Variants in BMERB1 observed in about 807,000 individuals in gnomAD.
The protein encoded by BMERB1 is bMERB domain containing 1.
In BMERB1, 12 loss-of-function variants were observed where a neutral mutation model predicts 23.6. The observed-to-expected ratio is 0.51, with a 90% confidence interval of 0.33 to 0.82. The LOEUF (loss-of-function observed/expected upper bound fraction) is 0.82, where lower values mean the gene tolerates loss of function less well. BMERB1 is among the 40% of genes least tolerant of loss of function. BMERB1 has a pLI of 0.03. For synonymous variants in BMERB1, 122 were observed against 96.6 expected (o/e 1.26, Z -1.54); for missense variants, 247 against 255.4 (o/e 0.97, Z 0.22).
At chr16:15,448,547 A>G (rs565407374) in intron 1 of BMERB1, among the ~76,000 whole-genome samples, 1 of 152,314 alleles carries the variant, frequency 6.6e-6, no homozygotes, top group South Asian at 2.1e-4. Flanking sequence ...TATTTGCAGC[A>G]CTTTGGGAGG....
intron 1 of BMERB1, among the ~76,000 whole-genome samples, chr16:15,463,119 C>A (rs2051150147): frequency 6.6e-6 from 1 of 151,096 alleles, no homozygotes; most frequent in African/African-American, 2.4e-5. Flanking sequence ...CTTGCTGTTG[C>A]CCAGGCAGGA....
chr16:15,467,291 A>G (rs1028490116), intron 1 of BMERB1, among the ~76,000 whole-genome samples: 1 of 152,192 alleles, frequency 6.6e-6, no homozygotes, highest in African/African-American at 2.4e-5. Flanking sequence ...TGGTTGTACC[A>G]TGTTACATTC....
At chr16:15,552,993 G>T (rs1306135407) in intron 2 of BMERB1, among the ~76,000 whole-genome samples, 2 of 152,004 alleles carry the variant, frequency 1.3e-5, no homozygotes, top group Non-Finnish European at 2.9e-5. Context: ...GAGCAACATA[G>T]TGAGACCCCC....
At chr16:15,494,624 A>G (rs573688321) in intron 1 of BMERB1, among the ~76,000 whole-genome samples, 6 of 152,084 alleles carry the variant, frequency 3.9e-5, no homozygotes, top group Non-Finnish European at 8.8e-5. Context: ...TTTGCCTTAG[A>G]CGGAGTTTGC....
At chr16:15,475,416 TCA>T (rs1284991121) in intron 1 of BMERB1, among the ~76,000 whole-genome samples, 1 of 152,196 alleles carries the variant, frequency 6.6e-6, no homozygotes, top group African/African-American at 2.4e-5. Flanking sequence ...CTAGAGGGAC[TCA>T]CAGAACTCCC....
At chr16:15,530,842 G>A (rs2051959609) in intron 2 of BMERB1, among the ~76,000 whole-genome samples, 1 of 151,062 alleles carries the variant, frequency 6.6e-6, no homozygotes, top group Non-Finnish European at 1.5e-5. Flanking sequence ...ATGATTGTAA[G>A]TTTCCTGAGG....
chr16:15,505,197 C>A (rs939536530), intron 1 of BMERB1, among the ~76,000 whole-genome samples: 1 of 152,206 alleles, frequency 6.6e-6, no homozygotes, highest in Non-Finnish European at 1.5e-5. Flanking sequence ...ACCTTTCCAA[C>A]GCAAAGGACT....
intron 2 of BMERB1, among the ~76,000 whole-genome samples, chr16:15,535,835 A>C (rs1439753386): frequency 2.6e-5 from 4 of 152,080 alleles, no homozygotes; most frequent in African/African-American, 9.7e-5. Context: ...AGGCCTCAGG[A>C]AACTTACAAT....
intron 1 of BMERB1, chr16:15,448,082 G>A: frequency 2.8e-6 from 1 of 359,116 alleles, no homozygotes; most frequent in Non-Finnish European, 5.5e-6. Context: ...TAGAGATGGG[G>A]TTTCACCCTG....
At chr16:15,555,697 C>T (rs1462692474) in intron 2 of BMERB1, among the ~76,000 whole-genome samples, 2 of 152,190 alleles carry the variant, frequency 1.3e-5, no homozygotes, top group Non-Finnish European at 2.9e-5. Context: ...CCTATGTACA[C>T]TGGCAGGCAC....
At chr16:15,459,150 A>G (rs2051114375) in intron 1 of BMERB1, among the ~76,000 whole-genome samples, 1 of 152,080 alleles carries the variant, frequency 6.6e-6, no homozygotes, top group Non-Finnish European at 1.5e-5. Flanking sequence ...AAACAAACAA[A>G]GGAATTAAAA....
intron 2 of BMERB1, among the ~76,000 whole-genome samples, chr16:15,549,546 G>A (rs1437380302): frequency 6.6e-6 from 1 of 151,884 alleles, no homozygotes; most frequent in Non-Finnish European, 1.5e-5. Context: ...GGGCGTGGTG[G>A]CGGGCGCCTG....
chr16:15,518,437 T>A (rs879534889), intron 2 of BMERB1, among the ~76,000 whole-genome samples: 1 of 152,152 alleles, frequency 6.6e-6, no homozygotes, highest in African/African-American at 2.4e-5. Flanking sequence ...GCTTGCCCAG[T>A]GGTGCACCTG....
chr16:15,548,405 T>C (rs141803903), intron 2 of BMERB1, among the ~76,000 whole-genome samples: 5 of 152,314 alleles, frequency 3.3e-5, no homozygotes, highest in African/African-American at 9.6e-5. Flanking sequence ...ATGAATACTT[T>C]AGAGTGTTGA....
At chr16:15,487,273 C>G (rs189881878) in intron 1 of BMERB1, among the ~76,000 whole-genome samples, 4 of 152,086 alleles carry the variant, frequency 2.6e-5, no homozygotes, top group African/African-American at 9.7e-5. Context: ...TGCCATCTTA[C>G]CTAGCAGGAA....
At chr16:15,513,739 C>T (rs2051705653) in intron 1 of BMERB1, among the ~76,000 whole-genome samples, 1 of 151,860 alleles carries the variant, frequency 6.6e-6, no homozygotes, top group Admixed American at 6.6e-5. Context: ...ACGAAAAATA[C>T]AAAAATTAGC....
chr16:15,489,533 G>A (rs566354948), intron 1 of BMERB1, among the ~76,000 whole-genome samples: 3 of 152,078 alleles, frequency 2.0e-5, no homozygotes, highest in African/African-American at 7.2e-5. Flanking sequence ...TCTGTGCAGG[G>A]TCATGGCACT....
At chr16:15,435,476 A>G (rs1255727847) in intron 1 of BMERB1, among the ~76,000 whole-genome samples, 1 of 152,196 alleles carries the variant, frequency 6.6e-6, no homozygotes, top group Non-Finnish European at 1.5e-5. Flanking sequence ...CATTAATAGG[A>G]TACAATAGTT....
chr16:15,566,720 T>C (rs2030575609), intron 2 of BMERB1, among the ~76,000 whole-genome samples: 1 of 152,086 alleles, frequency 6.6e-6, no homozygotes, highest in Non-Finnish European at 1.5e-5. Context: ...TGTATATCAA[T>C]ATAATGGTAT....
Sources: allele counts gnomAD v4.1 joint callset (sites outside exome capture counted in the v4.1 genomes callset), GRCh38; gene constraint gnomAD v4.1.1; transcripts MANE v1.5; gene names NCBI Gene and HGNC (gene_info 2026-07-23, HGNC 2026-07-21).